Variants in AAAS observed in about 807,000 individuals in gnomAD.
The protein encoded by AAAS is aladin.
In AAAS, 60 loss-of-function variants were observed where a neutral mutation model predicts 75.6. The observed-to-expected ratio is 0.79, with a 90% CI of 0.64 to 0.98. The LOEUF is 0.98. AAAS is among the 50% of genes least tolerant of loss of function. AAAS has a pLI of 0.00. For synonymous variants in AAAS, 271 were observed against 265.0 expected (o/e 1.02, Z -0.22); for missense variants, 658 against 686.9 (o/e 0.96, Z 0.47).
In AAAS at chr12:53,307,635, C is replaced by A; in HGVS notation, c.1495G>T (p.Gly499Trp). 1 of 1,614,222 alleles carries A rather than the reference C, an allele frequency of 6.2e-7. No homozygotes were observed. The highest frequency in any genetic ancestry group is 8.5e-7 in the Non-Finnish European group (1 of 1,180,048). The part of the protein sequence containing the change: ...AQFPRFSPVL[G>W]RAQEPPAGGG... ...CCAGCAGGGGGTTCCTGGGCCCGCC[C>A]AAGCACTGGGCTAAAACGTGGAAAC... The change falls in exon 16 of 16, where the codon GGG becomes TGG. Residue 499 changes from glycine to tryptophan, a missense_variant. Gly to Trp is a radical substitution (Grantham distance 184). Coordinates refer to ENST00000209873, the MANE Select transcript of AAAS (RefSeq NM_015665.6).
intron 2 of AAAS, among the ~76,000 whole-genome samples, chr12:53,316,090 G>A (rs1173603329): frequency 6.6e-6 from 1 of 152,208 alleles, no homozygotes; most frequent in East Asian, 1.9e-4. Flanking sequence ...CTAAGGAGAA[G>A]AATAAACAGA....
chr12:53,308,220 C>T (rs1944324099), intron 13 of AAAS, 62 bp downstream of exon 13: 14 of 1,609,830 alleles, frequency 8.7e-6, no homozygotes, highest in South Asian at 3.3e-5. Context: ...GGCCAGGGCA[C>T]GGCCTCATTA....
rs147478141 is a variant in AAAS, at chr12:53,314,922, A to T, written c.447-73T>A. On this transcript the variant is annotated intron_variant, in intron 5 of 15. Transcript: ENST00000209873. ...AGCCCAGAAGCTCACATTCATTTCCAGTAAGGACATGGTTTTTTCCTACTT... is the reference window on the plus strand; with the variant it reads ...AGCCCAGAAGCTCACATTCATTTCCTGTAAGGACATGGTTTTTTCCTACTT... 3.3e-3 allele frequency: 5,042 copies of T among 1,515,908 alleles called. 16 individuals carry two copies. Among genetic ancestry groups the T allele is most frequent in the Non-Finnish European group, 4.2e-3 (4,642 of 1,099,582 alleles). 93.9% of individuals were successfully genotyped at this position (1,515,908 alleles called of 1,614,324 possible). A position where few individuals can be genotyped will look rare whatever the true frequency, so the allele number is the denominator to read the frequency against.
chr12:53,309,200 C>T lies in AAAS; in HGVS notation c.892G>A (p.Asp298Asn), dbSNP rs1176117428. Residue 298 changes from aspartate to asparagine, a missense_variant, in exon 9 of 16, where the codon GAC becomes AAC. Coordinates refer to ENST00000209873, the MANE Select transcript of AAAS (RefSeq NM_015665.6). ...GGVTNLLWSP[D>N]GSKILATTPS... ...GTGGTAGCCAGGATTTTGCTGCCGT[C>T]TGGGGACCAGAGCAGGTTGGTCACC... The T allele has an allele frequency of 1.3e-5, 21 of 1,614,074 alleles. No homozygotes were observed. The highest frequency in any genetic ancestry group is 1.8e-5 in the Non-Finnish European group (21 of 1,180,038).
rs749076938 is a variant in AAAS, at chr12:53,308,823, C to T, written c.997-8G>A. On this transcript the variant is annotated splice_polypyrimidine_tract_variant and splice_region_variant and intron_variant, in intron 10 of 15. Coordinates refer to ENST00000209873, the MANE Select transcript of AAAS (RefSeq NM_015665.6). ...TGGGCTCCAGCAGCCAGTCTGGGGT[C>T]AGGGAGCAAAAGGCAGGAGAAGGTA... is the stretch of plus-strand genomic sequence containing the variant. 2 of 1,613,938 alleles carry T rather than the reference C, an allele frequency of 1.2e-6. No individual in the cohort carries two copies. Among genetic ancestry groups the T allele is most frequent in the Admixed American group, 3.3e-5 (2 of 60,020 alleles).
At chr12:53,310,558 CAA>C (rs939524283) in intron 7 of AAAS, among the ~76,000 whole-genome samples, 19 of 76,386 alleles carry the variant, frequency 2.5e-4, no homozygotes, top group South Asian at 3.9e-4. Context: ...GACTCCGTCT[CAA>C]AAAAAAAAAA....
At position 53,309,606 on chromosome 12, in the gene AAAS, T is replaced by C. The variant is rs567219779; in HGVS notation, c.805A>G (p.Ile269Val). ...AGGGGCAGGGACCCACTCACCCGGA[T>C]AGCAGCATCCACGGGTGAAGCTGAG... ...LLSASPVDAA[I>V]RVWDVSTETC... Residue 269 changes from isoleucine (I) to valine (V), a missense_variant, in exon 8 of 16, where the codon ATC becomes GTC. Coordinates refer to ENST00000209873, the MANE Select transcript of AAAS (RefSeq NM_015665.6). 19 of 1,613,580 alleles carry C rather than the reference T, an allele frequency of 1.2e-5. No individual in the cohort carries two copies. The highest frequency in any genetic ancestry group is 6.7e-5 in the Admixed American group (4 of 59,984).
chr12:53,311,519 A>G (rs562132344), intron 7 of AAAS, among the ~76,000 whole-genome samples: 1 of 151,914 alleles, frequency 6.6e-6, no homozygotes, highest in African/African-American at 2.4e-5. Context: ...CAAGGGGCTC[A>G]CTTGAGCCCA....
At position 53,309,609 on chromosome 12, in the gene AAAS, C is replaced by T. The variant is rs1349619056; in HGVS notation, c.802G>A (p.Ala268Thr). The change falls in exon 8 of 16, where the codon GCT (alanine) becomes ACT (threonine). Residue 268 changes from alanine to threonine, a missense_variant. Ala to Thr is a moderately conservative substitution (Grantham distance 58). Coordinates refer to ENST00000209873, the MANE Select transcript of AAAS (RefSeq NM_015665.6). ...GGCAGGGACCCACTCACCCGGATAG[C>T]AGCATCCACGGGTGAAGCTGAGAGC... ...RLLSASPVDA[A>T]IRVWDVSTET... 1.9e-6 allele frequency: 3 copies of T among 1,613,610 alleles called. No individual in the cohort carries two copies. The highest frequency in any genetic ancestry group is 3.3e-5 in the Admixed American group (2 of 59,992).
At chr12:53,312,861 TA>T (rs555998389) in intron 7 of AAAS, among the ~76,000 whole-genome samples, 9,750 of 39,426 alleles carry the variant, frequency 0.25, 583 homozygotes, top group East Asian at 0.45. Context: ...TATATATATA[TA>T]TTTTTTTTTT....
intron 2 of AAAS, among the ~76,000 whole-genome samples, chr12:53,320,118 CAA>C (rs548394452): frequency 1.5e-5 from 2 of 136,418 alleles, no homozygotes; most frequent in Admixed American, 7.4e-5. Context: ...AACTCCATCT[CAA>C]AAAAAAAAAA....
intron 7 of AAAS, among the ~76,000 whole-genome samples, chr12:53,314,097 C>A (rs1944429783): frequency 6.6e-6 from 1 of 152,108 alleles, no homozygotes; most frequent in South Asian, 2.1e-4. Context: ...ACATTGTCCC[C>A]ACAATCCAAA....
In AAAS at chr12:53,314,440, T is replaced by C; in HGVS notation, c.547A>G (p.Thr183Ala). The C allele has an allele frequency of 6.2e-7, 1 of 1,613,716 alleles. No homozygotes were observed. The change falls in exon 7 of 16, where the codon ACC becomes GCC. Residue 183 changes from threonine (T) to alanine (A), a missense_variant and splice_region_variant. Physicochemically the swap from Thr to Ala is moderately conservative, Grantham distance 58 (BLOSUM62 0). Transcript: ENST00000209873. ...CGGTGCTTCAGGGAGGGGACTATGG[T>C]GCTAGGGTGAAGGGGCAGGAAACTG... ...DSVRVYNASS[T>A]IVPSLKHRLQ...
intron 7 of AAAS, 153 bp from the exon 8 acceptor site, chr12:53,309,874 T>A (rs1309497911): frequency 2.0e-5 from 24 of 1,212,496 alleles, no homozygotes; most frequent in Admixed American, 7.0e-5. Flanking sequence ...TTGTGAAAGT[T>A]AAAAGAAAAA....
Position 53,309,428 on chromosome 12 carries a change from TAC to T in AAAS, c.811-149_811-148del, listed in dbSNP as rs899227878. 8 of 1,508,292 alleles carry T rather than the reference TAC, an allele frequency of 5.3e-6. No individual in the cohort carries two copies. The Admixed American group carries it at 7.6e-5, about 14-fold the overall frequency. 93.4% of individuals were successfully genotyped at this position (1,508,292 alleles called of 1,614,324 possible). On this transcript the variant is annotated intron_variant, in intron 8 of 15. Transcript: ENST00000209873. Reference sequence around the variant, plus strand: ...TGAGGCACGGGTTCATGCTGACAATTACAGACAGCGGAATTTTAAACCTCACG... The same window carrying T: ...TGAGGCACGGGTTCATGCTGACAATTAGACAGCGGAATTTTAAACCTCACG...
Position 53,321,589 on chromosome 12 carries a change from C to G in AAAS, c.-124G>C. On this transcript the variant is annotated 5_prime_UTR_variant, in exon 1 of 16. Coordinates refer to ENST00000209873, the MANE Select transcript of AAAS (RefSeq NM_015665.6). Reference sequence around the variant, plus strand: ...GACGGGTACCGCAAGGGACAAACGGCGAGGCGGAACTCAACGGAAGTGAAG... The same window carrying G: ...GACGGGTACCGCAAGGGACAAACGGGGAGGCGGAACTCAACGGAAGTGAAG... 1 of 1,525,996 alleles carries G rather than the reference C, an allele frequency of 6.6e-7. No individual in the cohort carries two copies. Among genetic ancestry groups the G allele is most frequent in the South Asian group, 1.1e-5 (1 of 88,914 alleles). 94.5% of individuals were successfully genotyped at this position (1,525,996 alleles called of 1,614,324 possible).
At chr12:53,315,610 G>T in intron 3 of AAAS, 117 bp downstream of exon 3, 1 of 1,357,742 alleles carries the variant, frequency 7.4e-7, no homozygotes, top group Non-Finnish European at 1.0e-6. Context: ...AGGTAGAGGA[G>T]AGGACAGGAA....
chr12:53,320,196 T>C (rs1193071115), intron 2 of AAAS, among the ~76,000 whole-genome samples: 2 of 152,026 alleles, frequency 1.3e-5, no homozygotes, highest in Non-Finnish European at 2.9e-5. Context: ...ATGTAGGAGA[T>C]TATTCAGTGC....
At position 53,321,495 on chromosome 12, in the gene AAAS, G is replaced by T; in HGVS notation, c.-30C>A. Reference sequence around the variant, plus strand: ...CCGGTTCGCAGGACGTCTGCAGTCGGCAAACTCCTGGCCGGAACGGCACAG... The same window carrying T: ...CCGGTTCGCAGGACGTCTGCAGTCGTCAAACTCCTGGCCGGAACGGCACAG... On this transcript the variant is annotated 5_prime_UTR_variant, in exon 1 of 16. Coordinates refer to ENST00000209873, the MANE Select transcript of AAAS (RefSeq NM_015665.6). 1 of 1,613,092 alleles carries T rather than the reference G, an allele frequency of 6.2e-7. No individual in the cohort carries two copies. Among genetic ancestry groups the T allele is most frequent in the East Asian group, 2.2e-5 (1 of 44,886 alleles).
Sources: allele counts gnomAD v4.1 joint callset (sites outside exome capture counted in the v4.1 genomes callset), GRCh38; gene constraint gnomAD v4.1.1; transcripts MANE v1.5; gene names NCBI Gene and HGNC (gene_info 2026-07-23, HGNC 2026-07-21).